TNKS: variants seen among roughly 807,000 people sequenced by gnomAD.
TNKS encodes poly [ADP-ribose] polymerase tankyrase-1.
Under a neutral mutation model 135.8 loss-of-function variants are expected in TNKS, and 72 were observed. That is an observed-to-expected ratio of 0.53 (90% confidence interval 0.44 to 0.64). The LOEUF (loss-of-function observed/expected upper bound fraction) is 0.64. Ranked by LOEUF, TNKS falls within the 30% of genes least tolerant of loss-of-function variation. The probability of loss-of-function intolerance (pLI) is 0.00; values close to 1 mark genes in which losing one functional copy is unlikely to be tolerated. For synonymous variants in TNKS, 849 were observed against 649.3 expected (o/e 1.31, Z -4.68); for missense variants, 1,769 against 1,674.0 (o/e 1.06, Z -0.99).
chr8:9,667,179 T>G (rs1268002751), intron 3 of TNKS, among the ~76,000 whole-genome samples: 1 of 152,188 alleles, frequency 6.6e-6, no homozygotes, highest in Non-Finnish European at 1.5e-5. Flanking sequence ...TTCTTAATAT[T>G]TGTATTATTT....
At position 9,763,159 on chromosome 8, in the gene TNKS, A is replaced by G. The variant is rs772004383; in HGVS notation, c.3287A>G (p.Tyr1096Cys). The G allele has an allele frequency of 1.3e-6, 2 of 1,580,986 alleles. No individual in the cohort carries two copies. Among genetic ancestry groups the G allele is most frequent in the Non-Finnish European group, 1.7e-6 (2 of 1,163,672 alleles). Residue 1096 changes from tyrosine to cysteine, a missense_variant, in exon 22 of 27, where the codon TAT becomes TGT. Tyr to Cys is a radical substitution (Grantham distance 194). Around this residue, in one of 5 missense-constraint regions of TNKS, gnomAD observed 722 missense variants for 688.9 expected, o/e 1.05. Coordinates refer to ENST00000310430, the MANE Select transcript of TNKS (RefSeq NM_003747.3). ...TTCTCTCCGACAGGCACCAATCCTT[A>G]TTTGACTTTTCACTGTGTTAATCAG... is the stretch of plus-strand genomic sequence containing the variant. ...LLGGQQGTNP[Y>C]LTFHCVNQGT...
At chr8:9,766,686 A>G (rs1397852148) in intron 25 of TNKS, among the ~76,000 whole-genome samples, 1 of 151,986 alleles carries the variant, frequency 6.6e-6, no homozygotes, top group Admixed American at 6.6e-5. Context: ...GGGTTTTGCC[A>G]TGTTGGCCAA....
chr8:9,762,820 G>T (rs1004063114), intron 21 of TNKS, among the ~76,000 whole-genome samples: 3 of 151,682 alleles, frequency 2.0e-5, no homozygotes, highest in Admixed American at 1.3e-4. Context: ...CAGGAGAATG[G>T]TGTGAACCCG....
chr8:9,636,332 T>C (rs1481169645), intron 3 of TNKS, among the ~76,000 whole-genome samples: 3 of 152,324 alleles, frequency 2.0e-5, no homozygotes, highest in Non-Finnish European at 2.9e-5. Context: ...AACTGATTGA[T>C]GTTAATAAGT....
At chr8:9,623,245 G>A (rs1799931275) in intron 3 of TNKS, among the ~76,000 whole-genome samples, 1 of 152,156 alleles carries the variant, frequency 6.6e-6, no homozygotes, top group Admixed American at 6.5e-5. Context: ...AAAACAACTA[G>A]ACTCTGTATG....
chr8:9,589,610 G>T (rs966052703), intron 2 of TNKS, among the ~76,000 whole-genome samples: 13 of 152,358 alleles, frequency 8.5e-5, no homozygotes, highest in African/African-American at 2.9e-4. Flanking sequence ...CCCTTAATCA[G>T]TTAGCTTTAG....
At chr8:9,605,808 T>G (rs1325298099) in intron 2 of TNKS, among the ~76,000 whole-genome samples, 1 of 152,090 alleles carries the variant, frequency 6.6e-6, no homozygotes, top group Non-Finnish European at 1.5e-5. Flanking sequence ...TTTTAATGAT[T>G]GATTTGTAGA....
intron 26 of TNKS, among the ~76,000 whole-genome samples, chr8:9,770,944 T>G (rs990062336): frequency 2.0e-5 from 3 of 152,044 alleles, no homozygotes; most frequent in African/African-American, 7.2e-5. Context: ...GCCAAAATTC[T>G]CATGGTAGAA....
At chr8:9,700,356 G>A (rs1470179878) in intron 5 of TNKS, among the ~76,000 whole-genome samples, 2 of 152,082 alleles carry the variant, frequency 1.3e-5, no homozygotes, top group South Asian at 2.1e-4. Flanking sequence ...TACTGATTTC[G>A]CTTTCCTTGT....
chr8:9,761,102 G>C (rs1807127080), intron 20 of TNKS, among the ~76,000 whole-genome samples: 1 of 152,070 alleles, frequency 6.6e-6, no homozygotes, highest in Admixed American at 6.5e-5. Flanking sequence ...TACTTGTGCT[G>C]AACGCCTCTC....
chr8:9,562,983 T>A (rs1333350593), intron 1 of TNKS, among the ~76,000 whole-genome samples: 1 of 152,146 alleles, frequency 6.6e-6, no homozygotes, highest in Admixed American at 6.5e-5. Flanking sequence ...CAGAAAAGTT[T>A]CTCAAATTAT....
At chr8:9,647,341 T>C (rs1800956920) in intron 3 of TNKS, among the ~76,000 whole-genome samples, 1 of 152,184 alleles carries the variant, frequency 6.6e-6, no homozygotes, top group South Asian at 2.1e-4. Context: ...CCCCTTTTTG[T>C]TTAGTTTGTT....
chr8:9,666,862 T>G (rs566371810), intron 3 of TNKS, among the ~76,000 whole-genome samples: 1 of 152,058 alleles, frequency 6.6e-6, no homozygotes. Context: ...TGGCCCTGAA[T>G]TGTCAAGAAG....
At position 9,768,618 on chromosome 8, in the gene TNKS, C is replaced by G. The variant is rs114018651; in HGVS notation, c.3741-1488C>G. ...GCTGGCTGAGCAGGTCCCACGTCAT[C>G]TCCTGCCTCGGCAGCAACAGGCGAG... On this transcript the variant is annotated intron_variant, in intron 25 of 26. Coordinates refer to ENST00000310430, the MANE Select transcript of TNKS (RefSeq NM_003747.3). 3.1e-4 allele frequency among the ~76,000 whole-genome samples: 47 copies of G among 152,370 alleles called. 1 individual carries two copies. The highest frequency in any genetic ancestry group is 1.1e-3 in the African/African-American group (45 of 41,596).
intron 13 of TNKS, 38 bp downstream of exon 13, chr8:9,726,758 G>C: frequency 4.7e-6 from 7 of 1,491,586 alleles, no homozygotes; most frequent in Non-Finnish European, 6.5e-6. Flanking sequence ...TAGCACTGTT[G>C]AACTTTGCTA....
intron 3 of TNKS, among the ~76,000 whole-genome samples, chr8:9,618,797 AT>A (rs1396001070): frequency 6.6e-6 from 1 of 152,204 alleles, no homozygotes; most frequent in Non-Finnish European, 1.5e-5. Flanking sequence ...TAGAGATAAC[AT>A]TTTGGTGTAC....
In TNKS at chr8:9,556,486, C is replaced by T. The variant is rs770926977; in HGVS notation, c.547C>T (p.Leu183=). Reference sequence around the variant, plus strand: ...AGGGGTCCCAGCAGTGAGCGGGGCCCTACGGGAACTGCTGGAGGCCTGTCG... The same window carrying T: ...AGGGGTCCCAGCAGTGAGCGGGGCCTTACGGGAACTGCTGGAGGCCTGTCG... ...GTGVPAVSGA[L]RELLEACRNG... The change falls in exon 1 of 27, where the codon CTA becomes TTA. Residue 183 remains leucine, a synonymous_variant. Coordinates refer to ENST00000310430, the MANE Select transcript of TNKS (RefSeq NM_003747.3). The T allele has an allele frequency of 6.2e-7, 1 of 1,614,148 alleles. No individual in the cohort carries two copies. Among genetic ancestry groups the T allele is most frequent in the East Asian group, 2.2e-5 (1 of 44,864 alleles).
In TNKS at chr8:9,633,002, T is replaced by G. The variant is rs562489565; in HGVS notation, c.994+17325T>G. On this transcript the variant is annotated intron_variant, in intron 3 of 26. Coordinates refer to ENST00000310430, the MANE Select transcript of TNKS (RefSeq NM_003747.3). Reference sequence around the variant, plus strand: ...CCTCGGCCACCCAAAGTGCTGGAATTACAGGCATGAGCCACCGCACCCGGC... The same window carrying G: ...CCTCGGCCACCCAAAGTGCTGGAATGACAGGCATGAGCCACCGCACCCGGC... Among the ~76,000 whole-genome samples the G allele has an allele frequency of 1.6e-3, 238 of 152,320 alleles. 1 individual carries two copies. The highest frequency in any genetic ancestry group is 5.6e-3 in the African/African-American group (233 of 41,586).
In TNKS at chr8:9,634,126, A is replaced by G. The variant is rs1023376500; in HGVS notation, c.994+18449A>G. Among the ~76,000 whole-genome samples the G allele has an allele frequency of 1.1e-4, 16 of 150,388 alleles. No individual in the cohort carries two copies. The South Asian group carries it at 1.7e-3, about 16-fold the overall frequency. On this transcript the variant is annotated intron_variant, in intron 3 of 26. Transcript: ENST00000310430. ...ATGTATATATATTTTTTTTCCAAAA[A>G]TAAGCACAAGAAGGATAAACCAGAA...
Sources: allele counts gnomAD v4.1 joint callset (sites outside exome capture counted in the v4.1 genomes callset), GRCh38; gene constraint gnomAD v4.1.1; regional missense constraint gnomAD v4.1.1; transcripts MANE v1.5; gene names NCBI Gene and HGNC (gene_info 2026-07-23, HGNC 2026-07-21).